Variants in CLNK observed in about 807,000 individuals in gnomAD.
The protein encoded by CLNK is cytokine dependent hematopoietic cell linker.
A neutral mutation model predicts 68.6 loss-of-function variants in CLNK; 74 were observed. That is an observed-to-expected ratio of 1.08 (90% CI 0.89 to 1.31). The LOEUF is 1.31. Ranked by LOEUF, CLNK falls within the 50% of genes most tolerant of loss-of-function variation. The pLI, the probability that CLNK is intolerant of heterozygous loss-of-function variation, is 0.00. For missense variants in CLNK, 553 were observed against 515.3 expected (o/e 1.07, Z -0.71); for synonymous variants, 198 against 172.2 (o/e 1.15, Z -1.17).
intron 2 of CLNK, among the ~76,000 whole-genome samples, chr4:10,627,265 C>T (rs2108865960): frequency 6.6e-6 from 1 of 152,244 alleles, no homozygotes; most frequent in East Asian, 1.9e-4. Context: ...CAATTGCCAC[C>T]TTTATGCAGA....
At chr4:10,608,213 T>A (rs1721860733) in intron 2 of CLNK, among the ~76,000 whole-genome samples, 1 of 152,204 alleles carries the variant, frequency 6.6e-6, no homozygotes, top group African/African-American at 2.4e-5. Flanking sequence ...TTATCTTAGT[T>A]ATCATTTCAA....
intron 14 of CLNK, among the ~76,000 whole-genome samples, chr4:10,525,084 T>G (rs1405850424): frequency 6.6e-6 from 1 of 152,154 alleles, no homozygotes; most frequent in Non-Finnish European, 1.5e-5. Context: ...CTTCTTTTCT[T>G]TATAGAGTGT....
intron 6 of CLNK, among the ~76,000 whole-genome samples, chr4:10,564,987 A>T (rs1258673569): frequency 2.0e-5 from 3 of 152,192 alleles, no homozygotes; most frequent in African/African-American, 7.2e-5. Flanking sequence ...CAAAGTTTGA[A>T]CCTGAATATT....
At chr4:10,498,326 A>G (rs996618104) in intron 18 of CLNK, among the ~76,000 whole-genome samples, 1 of 151,246 alleles carries the variant, frequency 6.6e-6, no homozygotes, top group Non-Finnish European at 1.5e-5. Flanking sequence ...CGTCTCTACT[A>G]AAAAAATACA....
chr4:10,719,347 A>G, the CLNK span, among the ~76,000 whole-genome samples: 1 of 152,110 alleles, frequency 6.6e-6, no homozygotes, highest in South Asian at 2.1e-4. Context: ...GAGTAAAAGG[A>G]TGGAAAATGT....
chr4:10,506,718 C>T (rs1382469069), intron 17 of CLNK, among the ~76,000 whole-genome samples: 1 of 152,188 alleles, frequency 6.6e-6, no homozygotes, highest in Non-Finnish European at 1.5e-5. Flanking sequence ...ATAAATAAAT[C>T]TACATGGGAA....
At chr4:10,686,920 A>T (rs6852966), upstream of CLNK, among the ~76,000 whole-genome samples, 699 of 152,264 alleles carry the variant, frequency 4.6e-3, 4 homozygotes, top group African/African-American at 0.015. Context: ...TTCTTGGAAT[A>T]TCATTCATTA....
the CLNK span, among the ~76,000 whole-genome samples, chr4:10,714,704 G>GTT: frequency 6.6e-6 from 1 of 151,808 alleles, no homozygotes; most frequent in Non-Finnish European, 1.5e-5. Flanking sequence ...GTGTGTGTGT[G>GTT]TGTGTGTGCG....
intron 2 of CLNK, among the ~76,000 whole-genome samples, chr4:10,646,687 C>CT (rs1029827866): frequency 0.014 from 2,084 of 150,000 alleles, 47 homozygotes; most frequent in African/African-American, 0.045. Flanking sequence ...CTCACCTGCT[C>CT]TTTTTTTTTT....
At chr4:10,495,299 C>T (rs1716758438) in intron 18 of CLNK, among the ~76,000 whole-genome samples, 1 of 152,162 alleles carries the variant, frequency 6.6e-6, no homozygotes, top group Admixed American at 6.5e-5. Flanking sequence ...AGATGCAGGG[C>T]TGATGTTTGG....
At chr4:10,663,200 G>T (rs1340523225) in intron 2 of CLNK, among the ~76,000 whole-genome samples, 1 of 152,232 alleles carries the variant, frequency 6.6e-6, no homozygotes, top group African/African-American at 2.4e-5. Flanking sequence ...CCGCTAGTGG[G>T]TCTGTCTGCT....
At chr4:10,663,443 C>G (rs28503844) in intron 2 of CLNK, among the ~76,000 whole-genome samples, 3,175 of 152,188 alleles carry the variant, frequency 0.021, 127 homozygotes, top group African/African-American at 0.072. Flanking sequence ...AGGGCAGGGA[C>G]TAGATCTTAT....
chr4:10,590,625 A>G (rs1389389737), intron 3 of CLNK, among the ~76,000 whole-genome samples: 5 of 152,156 alleles, frequency 3.3e-5, no homozygotes, highest in South Asian at 2.1e-4. Context: ...CCAGCTCCAC[A>G]TCTCATTTTA....
At chr4:10,647,010 G>C (rs1039782790) in intron 2 of CLNK, among the ~76,000 whole-genome samples, 1 of 152,122 alleles carries the variant, frequency 6.6e-6, no homozygotes, top group Non-Finnish European at 1.5e-5. Flanking sequence ...ACTGAACATT[G>C]TATACATCTC....
At chr4:10,516,831 G>T (rs1320165956) in intron 15 of CLNK, among the ~76,000 whole-genome samples, 1 of 152,148 alleles carries the variant, frequency 6.6e-6, no homozygotes, top group African/African-American at 2.4e-5. Flanking sequence ...GATTATAGGC[G>T]TGAGCCACCA....
chr4:10,655,405 A>G (rs1327309897), intron 2 of CLNK, among the ~76,000 whole-genome samples: 4 of 146,240 alleles, frequency 2.7e-5, no homozygotes, highest in African/African-American at 7.5e-5. Flanking sequence ...TGTATCCTAT[A>G]TTTACATGAA....
chr4:10,650,116 T>A (rs1028213801), intron 2 of CLNK, among the ~76,000 whole-genome samples: 6 of 152,110 alleles, frequency 3.9e-5, no homozygotes, highest in African/African-American at 7.2e-5. Flanking sequence ...GTGAAAAAAA[T>A]TATATTATAG....
rs888073488 is a variant in CLNK at position 10,487,015 on chromosome 4, C to T, written c.*3452G>A. The T allele has an allele frequency of 1.3e-5, 2 of 152,148 alleles. No homozygotes were observed. The highest frequency in any genetic ancestry group is 2.9e-5 in the Non-Finnish European group (2 of 68,028). 9.4% of individuals were successfully genotyped at this position (152,148 alleles called of 1,614,324 possible). A position where few individuals can be genotyped will look rare whatever the true frequency, so the allele number is the denominator to read the frequency against. On this transcript the variant is annotated 3_prime_UTR_variant, in exon 19 of 19. Coordinates refer to ENST00000226951, the MANE Select transcript of CLNK (RefSeq NM_052964.4). ...CACAATATATGACTAATGATGAGGGCTATGCACATTTATACAGAATGAGAA... is the reference window on the plus strand; with the variant it reads ...CACAATATATGACTAATGATGAGGGTTATGCACATTTATACAGAATGAGAA...
At chr4:10,542,360 C>A in intron 8 of CLNK, 80 bp from the exon 9 acceptor site, 1 of 924,756 alleles carries the variant, frequency 1.1e-6, no homozygotes, top group South Asian at 1.6e-5. Flanking sequence ...ACATGAAAAT[C>A]ATTTTTATTT....
Sources: gnomAD v4.1 joint callset for allele counts (sites outside exome capture counted in the v4.1 genomes callset) on GRCh38, gnomAD v4.1.1 for gene constraint, MANE v1.5 for transcripts, NCBI Gene and HGNC (gene_info 2026-07-23, HGNC 2026-07-21) for gene names.